CTNNA3: variants seen among roughly 807,000 people sequenced by gnomAD.
CTNNA3 encodes catenin alpha 3, also known as catenin alpha-3.
A neutral mutation model predicts 95.7 loss-of-function variants in CTNNA3; 76 were observed. The ratio of observed to expected loss-of-function variants is 0.79; its 90% CI spans 0.66 to 0.96. The LOEUF (loss-of-function observed/expected upper bound fraction) is 0.96, where lower values mean the gene tolerates loss of function less well. Ranked by LOEUF, CTNNA3 falls within the 40% of genes least tolerant of loss-of-function variation. CTNNA3 has a pLI of 0.00. For missense variants in CTNNA3, 1,191 were observed against 1,089.8 expected, an observed-to-expected ratio of 1.09 and a Z score of -1.31; for synonymous variants, 431 against 374.4, an observed-to-expected ratio of 1.15 and a Z score of -1.74.
chr10:66,164,633 A>G (rs1464942579), intron 13 of CTNNA3, among the ~76,000 whole-genome samples: 1 of 152,166 alleles, frequency 6.6e-6, no homozygotes, highest in Non-Finnish European at 1.5e-5. Flanking sequence ...CGTGAACTAG[A>G]AAAAGAAAGA....
intron 3 of CTNNA3, among the ~76,000 whole-genome samples, chr10:67,566,586 G>C (rs1233673936): frequency 6.6e-6 from 1 of 152,112 alleles, no homozygotes; most frequent in Non-Finnish European, 1.5e-5. Flanking sequence ...CTGTAAACTA[G>C]TTCAACCATT....
chr10:67,344,948 GT>G (rs891100985), intron 5 of CTNNA3, among the ~76,000 whole-genome samples: 5 of 150,014 alleles, frequency 3.3e-5, no homozygotes, highest in East Asian at 3.9e-4. Context: ...TTTATTTGAA[GT>G]TTTTTTTTCT....
chr10:66,694,717 A>G (rs1442448298), intron 9 of CTNNA3, among the ~76,000 whole-genome samples: 1 of 152,214 alleles, frequency 6.6e-6, no homozygotes, highest in Non-Finnish European at 1.5e-5. Context: ...CTCTGCCATC[A>G]AACAATAGCA....
chr10:67,263,412 T>C (rs914774562), intron 5 of CTNNA3, among the ~76,000 whole-genome samples: 1 of 152,198 alleles, frequency 6.6e-6, no homozygotes, highest in Non-Finnish European at 1.5e-5. Flanking sequence ...ACAAATGCGT[T>C]GATTTGTGGC....
At chr10:66,939,629 G>T (rs1488132588) in intron 7 of CTNNA3, among the ~76,000 whole-genome samples, 1 of 152,070 alleles carries the variant, frequency 6.6e-6, no homozygotes, top group Non-Finnish European at 1.5e-5. Context: ...CAATTTGTAA[G>T]GTAGGGCAGA....
chr10:66,201,975 C>T (rs149977894), intron 13 of CTNNA3, among the ~76,000 whole-genome samples: 17 of 151,544 alleles, frequency 1.1e-4, no homozygotes, highest in Middle Eastern at 3.4e-3. Context: ...TTAGTAGAGA[C>T]GGGGTTTCAC....
At chr10:66,470,370 T>C (rs1839082982) in intron 11 of CTNNA3, among the ~76,000 whole-genome samples, 1 of 151,818 alleles carries the variant, frequency 6.6e-6, no homozygotes, top group Admixed American at 6.6e-5. Flanking sequence ...AGACAAAATA[T>C]CTATAGGATT....
intron 10 of CTNNA3, among the ~76,000 whole-genome samples, chr10:66,537,043 T>A (rs548845600): frequency 1.3e-5 from 2 of 149,250 alleles, no homozygotes; most frequent in Non-Finnish European, 2.9e-5. Context: ...TCAAACACAG[T>A]TTTTACTGAA....
chr10:67,233,335 C>A (rs907518710), intron 5 of CTNNA3, among the ~76,000 whole-genome samples: 1 of 151,504 alleles, frequency 6.6e-6, no homozygotes, highest in African/African-American at 2.4e-5. Context: ...TGCAAGCAAA[C>A]TAGAACTCAG....
At chr10:66,931,955 T>C (rs1487198468) in intron 7 of CTNNA3, among the ~76,000 whole-genome samples, 1 of 152,132 alleles carries the variant, frequency 6.6e-6, no homozygotes, top group Admixed American at 6.5e-5. Flanking sequence ...AAAAACAAAT[T>C]TTAATATTAT....
intron 5 of CTNNA3, among the ~76,000 whole-genome samples, chr10:67,420,714 A>G (rs1029095101): frequency 2.6e-5 from 4 of 151,942 alleles, no homozygotes; most frequent in East Asian, 1.9e-4. Flanking sequence ...TTCTTATTTT[A>G]TTGTTATTAT....
At chr10:67,011,561 A>G (rs942968161) in intron 7 of CTNNA3, among the ~76,000 whole-genome samples, 16 of 152,132 alleles carry the variant, frequency 1.1e-4, no homozygotes, top group African/African-American at 3.9e-4. Context: ...CTATTCCATA[A>G]CATGTACATG....
At chr10:66,180,423 A>G (rs1193700326) in intron 13 of CTNNA3, among the ~76,000 whole-genome samples, 1 of 152,192 alleles carries the variant, frequency 6.6e-6, no homozygotes, top group African/African-American at 2.4e-5. Context: ...TGAGGAGGGA[A>G]GAGTTTTGTA....
chr10:66,629,191 C>A (rs1166038963), intron 9 of CTNNA3, among the ~76,000 whole-genome samples: 2 of 151,974 alleles, frequency 1.3e-5, no homozygotes, highest in Admixed American at 6.6e-5. Context: ...ACAGAGACAA[C>A]CATGCTAATC....
In CTNNA3 at chr10:67,712,471, G is replaced by T. The variant is rs537676501; in HGVS notation, c.-2+50963C>A. Among the ~76,000 whole-genome samples the T allele has an allele frequency of 5.8e-4, 88 of 152,342 alleles. 2 individuals are homozygous for T. The highest frequency in any genetic ancestry group is 5.7e-3 in the Admixed American group (87 of 15,306). ...GGGAAAGAATGGTTTCATGGGCTGG[G>T]CCCAGGGTCCCCGTGCTGTGTGCAG... On this transcript the variant is annotated intron_variant, in intron 1 of 17. Coordinates refer to the CTNNA3 transcript ENST00000684154.
intron 12 of CTNNA3, among the ~76,000 whole-genome samples, chr10:66,293,039 C>A (rs954647717): frequency 1.3e-5 from 2 of 152,030 alleles, no homozygotes; most frequent in Non-Finnish European, 2.9e-5. Context: ...TAGATATTTA[C>A]TTATTGATAT....
At chr10:67,208,022 GA>G (rs1270534761) in intron 6 of CTNNA3, among the ~76,000 whole-genome samples, 3 of 152,056 alleles carry the variant, frequency 2.0e-5, no homozygotes, top group Non-Finnish European at 2.9e-5. Context: ...AGAACTTAAG[GA>G]AACATAATTA....
intron 1 of CTNNA3, among the ~76,000 whole-genome samples, chr10:67,668,403 T>C (rs947835995): frequency 2.6e-5 from 4 of 152,214 alleles, no homozygotes; most frequent in African/African-American, 9.7e-5. Context: ...AAACCACAGA[T>C]AGTTCTGAAC....
intron 16 of CTNNA3, among the ~76,000 whole-genome samples, chr10:65,969,301 A>C (rs1038995071): frequency 2.0e-5 from 3 of 152,226 alleles, no homozygotes; most frequent in Admixed American, 6.5e-5. Context: ...AAATATAATT[A>C]CAAAAATTTG....
Sources: allele counts gnomAD v4.1 joint callset (sites outside exome capture counted in the v4.1 genomes callset), GRCh38; gene constraint gnomAD v4.1.1; transcripts MANE v1.5; gene names NCBI Gene and HGNC (gene_info 2026-07-23, HGNC 2026-07-21).